TMEM117: variants seen among roughly 807,000 people sequenced by gnomAD.
TMEM117 encodes the protein transmembrane protein 117.
TMEM117 carries 27 observed loss-of-function variants against 52.4 expected under a neutral mutation model. The ratio of observed to expected loss-of-function variants is 0.51; its 90% CI spans 0.38 to 0.71. The LOEUF is 0.71. Among genes scored for constraint, TMEM117 ranks in the 30% least tolerant of loss-of-function variants. The probability of loss-of-function intolerance (pLI) is 0.00; values close to 1 mark genes in which losing one functional copy is unlikely to be tolerated. For synonymous variants in TMEM117, 215 were observed against 206.3 expected, an observed-to-expected ratio of 1.04 and a Z score of -0.36; for missense variants, 556 against 630.5, an observed-to-expected ratio of 0.88 and a Z score of 1.26.
chr12:44,297,696 G>T (rs1950785782), intron 5 of TMEM117, among the ~76,000 whole-genome samples: 3 of 152,168 alleles, frequency 2.0e-5, no homozygotes, highest in Non-Finnish European at 4.4e-5. Context: ...CATCAAGGTT[G>T]CTATATTCCT....
chr12:44,134,783 C>G (rs1310000252), intron 3 of TMEM117, among the ~76,000 whole-genome samples: 3 of 151,808 alleles, frequency 2.0e-5, no homozygotes, highest in Non-Finnish European at 2.9e-5. Flanking sequence ...TACCCTCTTT[C>G]CTGGGTGAAT....
intron 2 of TMEM117, among the ~76,000 whole-genome samples, chr12:43,901,469 C>G (rs1218743006): frequency 6.6e-6 from 1 of 152,118 alleles, no homozygotes; most frequent in African/African-American, 2.4e-5. Context: ...TGCCACCAAG[C>G]CCAGCTAATT....
chr12:44,235,721 T>C (rs1280001258), intron 5 of TMEM117, among the ~76,000 whole-genome samples: 2 of 151,738 alleles, frequency 1.3e-5, no homozygotes, highest in Admixed American at 1.3e-4. Flanking sequence ...TTGAAGTAAG[T>C]TCTTTATTAT....
intron 5 of TMEM117, among the ~76,000 whole-genome samples, chr12:44,257,117 G>T (rs1161890708): frequency 6.6e-6 from 1 of 150,582 alleles, no homozygotes; most frequent in South Asian, 2.1e-4. Flanking sequence ...TAGCCTATAT[G>T]CTAGGTCATT....
At chr12:44,333,476 G>A (rs540273836) in intron 6 of TMEM117, among the ~76,000 whole-genome samples, 2 of 152,072 alleles carry the variant, frequency 1.3e-5, no homozygotes, top group Non-Finnish European at 2.9e-5. Context: ...GACATGGTGG[G>A]CAGAAATTGG....
chr12:44,224,039 C>T (rs1949826208), intron 5 of TMEM117, among the ~76,000 whole-genome samples: 1 of 152,098 alleles, frequency 6.6e-6, no homozygotes, highest in Non-Finnish European at 1.5e-5. Context: ...CATTCTTCCC[C>T]ACCATGTCCT....
chr12:43,930,423 C>G (rs1944852934), intron 2 of TMEM117, among the ~76,000 whole-genome samples: 1 of 152,168 alleles, frequency 6.6e-6, no homozygotes, highest in Non-Finnish European at 1.5e-5. Flanking sequence ...ATTTTTATCT[C>G]TGGCCCAGTG....
intron 5 of TMEM117, among the ~76,000 whole-genome samples, chr12:44,271,201 T>C (rs1454886615): frequency 6.6e-6 from 1 of 152,080 alleles, no homozygotes; most frequent in African/African-American, 2.4e-5. Flanking sequence ...AGTATTTACC[T>C]CATAGGATGT....
At chr12:43,958,334 G>A (rs75286601) in intron 3 of TMEM117, among the ~76,000 whole-genome samples, 6,082 of 152,038 alleles carry the variant, frequency 0.04, 167 homozygotes, top group Middle Eastern at 0.065. Context: ...TACTATTTGG[G>A]GCAGAATATG....
the TMEM117 span, among the ~76,000 whole-genome samples, chr12:43,823,253 C>G: frequency 6.6e-6 from 1 of 152,126 alleles, no homozygotes; most frequent in East Asian, 1.9e-4. Flanking sequence ...TGTTATTAGC[C>G]AAAAATGTTA....
At chr12:44,231,347 T>C (rs1949930658) in intron 5 of TMEM117, among the ~76,000 whole-genome samples, 1 of 151,898 alleles carries the variant, frequency 6.6e-6, no homozygotes, top group South Asian at 2.1e-4. Flanking sequence ...TGTATTACAT[T>C]GTATGAACAT....
At chr12:44,220,337 A>G (rs1389150128) in intron 5 of TMEM117, among the ~76,000 whole-genome samples, 3 of 152,174 alleles carry the variant, frequency 2.0e-5, no homozygotes, top group Non-Finnish European at 4.4e-5. Context: ...ACAGAGAAGC[A>G]AGGGGTTGGG....
intron 3 of TMEM117, among the ~76,000 whole-genome samples, chr12:43,973,068 A>AATC (rs1945616874): frequency 6.6e-6 from 1 of 152,262 alleles, no homozygotes; most frequent in South Asian, 2.1e-4. Flanking sequence ...AAAAACTTAG[A>AATC]TAACACAGTG....
intron 3 of TMEM117, among the ~76,000 whole-genome samples, chr12:44,083,169 A>G (rs1300792918): frequency 6.6e-6 from 1 of 152,032 alleles, no homozygotes; most frequent in Non-Finnish European, 1.5e-5. Flanking sequence ...CATATGCAAA[A>G]GTTTTTCTAG....
At chr12:44,114,793 C>T (rs567701509) in intron 3 of TMEM117, among the ~76,000 whole-genome samples, 8 of 152,186 alleles carry the variant, frequency 5.3e-5, no homozygotes, top group Admixed American at 2.0e-4. Flanking sequence ...TTCTTCTGTG[C>T]GTTTAGCTAA....
chr12:43,838,118 G>T (rs1943061211), intron 1 of TMEM117, among the ~76,000 whole-genome samples: 1 of 151,712 alleles, frequency 6.6e-6, no homozygotes, highest in Admixed American at 6.6e-5. Context: ...TGTTATTATT[G>T]CTATTTGTGT....
intron 6 of TMEM117, among the ~76,000 whole-genome samples, chr12:44,313,105 T>C (rs1260421116): frequency 6.6e-6 from 1 of 152,242 alleles, no homozygotes; most frequent in Non-Finnish European, 1.5e-5. Context: ...GAAAGCTCTT[T>C]ATTTAATTAG....
intron 3 of TMEM117, among the ~76,000 whole-genome samples, chr12:44,067,792 C>G (rs1947244723): frequency 6.6e-6 from 1 of 152,108 alleles, no homozygotes. Context: ...CCAAAGTCAC[C>G]AACTACCTTA....
At chr12:44,308,015 G>T (rs1950924985) in intron 6 of TMEM117, among the ~76,000 whole-genome samples, 2 of 152,192 alleles carry the variant, frequency 1.3e-5, no homozygotes, top group Non-Finnish European at 2.9e-5. Flanking sequence ...TTCTGTGAGG[G>T]ATTATCGTGA....
Sources: allele counts gnomAD v4.1 joint callset (sites outside exome capture counted in the v4.1 genomes callset), GRCh38; gene constraint gnomAD v4.1.1; transcripts MANE v1.5; gene names NCBI Gene and HGNC (gene_info 2026-07-23, HGNC 2026-07-21).